ABCG5: variants seen among roughly 807,000 people sequenced by gnomAD.
ABCG5 encodes the protein ATP-binding cassette sub-family G member 5.
Under a neutral mutation model 64.5 loss-of-function variants are expected in ABCG5, and 64 were observed. That is an observed-to-expected ratio of 0.99 (90% CI 0.81 to 1.22). The LOEUF (loss-of-function observed/expected upper bound fraction) is 1.22. Ranked by LOEUF, ABCG5 falls within the 50% of genes most tolerant of loss-of-function variation. ABCG5 has a pLI of 0.00. For synonymous variants in ABCG5, 385 were observed against 326.3 expected (o/e 1.18, Z -1.94); for missense variants, 908 against 829.5 (o/e 1.09, Z -1.16).
chr2:43,824,542 T>C (rs1036177097), intron 7 of ABCG5, 110 bp from the exon 8 acceptor site: 20 of 1,590,472 alleles, frequency 1.3e-5, no homozygotes, highest in Middle Eastern at 1.7e-4. Flanking sequence ...CCCATCAAGA[T>C]AAAATTTGTG....
At position 43,822,939 on chromosome 2, in the gene ABCG5, G is replaced by C. The variant is rs370895243; in HGVS notation, c.1325-4C>G. 3.4e-5 allele frequency: 55 copies of C among 1,613,522 alleles called. No individual in the cohort carries two copies. Among genetic ancestry groups the C allele is most frequent in the Non-Finnish European group, 4.4e-5 (52 of 1,179,862 alleles). ...CTGACAGCTCGCAGCACGGGAACTG[G>C]GGATGGAAGGCAGGTTTCAGAACAG... is the stretch of plus-strand genomic sequence containing the variant. On this transcript the variant is annotated splice_polypyrimidine_tract_variant and splice_region_variant and intron_variant, in intron 9 of 12. Transcript: ENST00000405322.
intron 10 of ABCG5, chr2:43,822,585 T>C: frequency 1.0e-6 from 1 of 985,272 alleles, no homozygotes; most frequent in Non-Finnish European, 1.2e-6. Flanking sequence ...TGTCATCTTG[T>C]TGGTTTGTTC....
intron 11 of ABCG5, among the ~76,000 whole-genome samples, chr2:43,815,864 C>T (rs1666780784): frequency 6.9e-6 from 1 of 143,998 alleles, no homozygotes; most frequent in South Asian, 2.2e-4. Flanking sequence ...AACGTGACTC[C>T]AGCAAGAAGG....
chr2:43,826,231 C>T, intron 6 of ABCG5, 151 bp downstream of exon 6: 1 of 1,073,676 alleles, frequency 9.3e-7, no homozygotes, highest in Non-Finnish European at 1.4e-6. Flanking sequence ...AACTCCTGGC[C>T]TCAAGTGCTC....
chr2:43,836,131 G>A (rs1456686119), intron 2 of ABCG5, among the ~76,000 whole-genome samples: 2 of 151,904 alleles, frequency 1.3e-5, no homozygotes, highest in Non-Finnish European at 2.9e-5. Context: ...TAGTAGAGAC[G>A]GGTTTTGCCA....
intron 11 of ABCG5, among the ~76,000 whole-genome samples, chr2:43,818,199 C>T (rs998663898): frequency 1.2e-4 from 19 of 152,168 alleles, no homozygotes; most frequent in African/African-American, 4.6e-4. Context: ...CACCTGTAAT[C>T]CTAGCACTTT....
At chr2:43,811,299 A>G (rs1199094331), downstream of ABCG5, among the ~76,000 whole-genome samples, 1 of 152,230 alleles carries the variant, frequency 6.6e-6, no homozygotes, top group Non-Finnish European at 1.5e-5. Context: ...ATAAAAATTG[A>G]CAATACTAGT....
At position 43,832,088 on chromosome 2, in the gene ABCG5, G is replaced by A. The variant is rs1667986877; in HGVS notation, c.266-5C>T. 5 of 1,575,324 alleles carry A rather than the reference G, an allele frequency of 3.2e-6. No homozygotes were observed. Among genetic ancestry groups the A allele is most frequent in the South Asian group, 2.3e-5 (2 of 85,618 alleles). ...GCAGCGTGGTTTTCCCGGAGCCTGC[G>A]GGGCGACAACAGAAGGCCCTAGAGG... is the stretch of plus-strand genomic sequence containing the variant. On this transcript the variant is annotated splice_region_variant and splice_polypyrimidine_tract_variant and intron_variant, in intron 2 of 12. Coordinates refer to ENST00000405322, the MANE Select transcript of ABCG5 (RefSeq NM_022436.3).
intron 10 of ABCG5, among the ~76,000 whole-genome samples, chr2:43,820,768 C>T (rs144006253): frequency 0.011 from 1,675 of 152,278 alleles, 21 homozygotes; most frequent in Non-Finnish European, 0.018. Flanking sequence ...ATTCTCCTGC[C>T]TCAGCCTCCC....
In ABCG5 at chr2:43,837,694, A is replaced by C. The variant is rs1668366196; in HGVS notation, c.265+140T>G. ...TTTCTAAAGATTTCACATTGGTAGC[A>C]GTTCCATTCACAGTCAGATATCAAT... On this transcript the variant is annotated intron_variant, in intron 2 of 12. Coordinates refer to ENST00000405322, the MANE Select transcript of ABCG5 (RefSeq NM_022436.3). 31 of 1,113,204 alleles carry C rather than the reference A, an allele frequency of 2.8e-5. No individual in the cohort carries two copies. The South Asian group carries it at 3.5e-4, about 13-fold the overall frequency. 69.0% of individuals were successfully genotyped at this position (1,113,204 alleles called of 1,614,324 possible). A position where few individuals can be genotyped will look rare whatever the true frequency, so the allele number is the denominator to read the frequency against.
At chr2:43,835,185 C>A (rs945779904) in intron 2 of ABCG5, among the ~76,000 whole-genome samples, 2 of 151,220 alleles carry the variant, frequency 1.3e-5, no homozygotes, top group East Asian at 3.9e-4. Context: ...CCCACTCCCC[C>A]ACCCCAATCA....
intron 6 of ABCG5, 133 bp downstream of exon 6, chr2:43,826,249 C>T: frequency 7.3e-7 from 1 of 1,379,210 alleles, no homozygotes; most frequent in Non-Finnish European, 1.0e-6. Context: ...CTCCTCCTGC[C>T]TCAGCCTCCC....
chr2:43,820,229 C>T, intron 10 of ABCG5, 129 bp from the exon 11 acceptor site: 3 of 1,126,864 alleles, frequency 2.7e-6, no homozygotes, highest in South Asian at 1.4e-5. Flanking sequence ...AGCCACACTC[C>T]CCTTTGAAAG....
chr2:43,831,961 A>G lies in ABCG5; in HGVS notation c.388T>C (p.Ser130Pro), dbSNP rs1667976186. The G allele has an allele frequency of 1.9e-6, 3 of 1,550,558 alleles. No homozygotes were observed. Among genetic ancestry groups the G allele is most frequent in the Non-Finnish European group, 2.6e-6 (3 of 1,147,138 alleles). The change falls in exon 3 of 13, where the codon TCC (serine) becomes CCC (proline). Residue 130 changes from serine to proline, a missense_variant. Transcript: ENST00000405322. ...GACGCGCCCACCTGCAGGACGTAGGAGAAGCAGTCCTGGAACTGCTCCCGG... is the reference window on the plus strand; with the variant it reads ...GACGCGCCCACCTGCAGGACGTAGGGGAAGCAGTCCTGGAACTGCTCCCGG... ...LRREQFQDCF[S>P]YVLQSDTLLS...
At chr2:43,834,559 T>A (rs2104877759) in intron 2 of ABCG5, among the ~76,000 whole-genome samples, 1 of 152,362 alleles carries the variant, frequency 6.6e-6, no homozygotes, top group East Asian at 1.9e-4. Context: ...GTCAAGTATT[T>A]GTTAACTCAT....
intron 2 of ABCG5, among the ~76,000 whole-genome samples, chr2:43,834,128 G>A (rs1668116845): frequency 1.3e-5 from 2 of 152,188 alleles, no homozygotes; most frequent in Non-Finnish European, 2.9e-5. Context: ...TGGACAGAGT[G>A]GGGAAAGAGA....
intron 8 of ABCG5, 44 bp from the exon 9 acceptor site, chr2:43,824,162 A>ATTGGGGGATG (rs1392859333): frequency 6.2e-7 from 1 of 1,614,024 alleles, no homozygotes; most frequent in Non-Finnish European, 8.5e-7. Flanking sequence ...CAGAATTGTT[A>ATTGGGGGATG]TTGGGGGATG....
Position 43,813,078 on chromosome 2 carries a change from C to T in ABCG5, c.*38G>A, listed in dbSNP as rs377147892. On this transcript the variant is annotated 3_prime_UTR_variant, in exon 13 of 13. Coordinates refer to ENST00000405322, the MANE Select transcript of ABCG5 (RefSeq NM_022436.3). The stretch of plus-strand genomic sequence containing the variant: ...GACGTTCAGAGCAGTCATGCACAGT[C>T]GGCAGCTTCACTTCCATTTTCCCAG... 12 of 836,556 alleles carry T rather than the reference C, an allele frequency of 1.4e-5. No homozygotes were observed. The highest frequency in any genetic ancestry group is 2.7e-5 in the South Asian group (2 of 74,500). The allele number at this position is 836,556 out of a possible 1,614,324, so 51.8% of individuals were successfully genotyped here.
Position 43,819,922 on chromosome 2 carries a change from A to G in ABCG5, c.1642T>C (p.Phe548Leu). Residue 548 changes from phenylalanine (F) to leucine (L), a missense_variant, in exon 11 of 13, where the codon TTC becomes CTC. Phe to Leu is a conservative substitution (Grantham distance 22). Transcript: ENST00000405322. ...TGAATTATGATATCTTACCTGAGGA[A>G]TCCAGATCCAACAAGCACCCCCGCA... Reference protein sequence around the residue: ...SIAGVLVGSGFLRNIQEMPIP... With the variant: ...SIAGVLVGSGLLRNIQEMPIP... 1.2e-6 allele frequency: 2 copies of G among 1,614,184 alleles called. No individual in the cohort carries two copies. Among genetic ancestry groups the G allele is most frequent in the Non-Finnish European group, 1.7e-6 (2 of 1,180,034 alleles).
Sources: gnomAD v4.1 joint callset for allele counts (sites outside exome capture counted in the v4.1 genomes callset) on GRCh38, gnomAD v4.1.1 for gene constraint, MANE v1.5 for transcripts, NCBI Gene and HGNC (gene_info 2026-07-23, HGNC 2026-07-21) for gene names.